The following MCC variants were observed in gnomAD, a reference collection of about 807,000 sequenced individuals.
MCC encodes MCC regulator of Wnt signaling pathway.
Under a neutral mutation model 116.2 loss-of-function variants are expected in MCC, and 90 were observed. The ratio of observed to expected loss-of-function variants is 0.77; its 90% confidence interval spans 0.65 to 0.92. MCC has a LOEUF of 0.92. MCC is among the 40% of genes least tolerant of loss of function. The pLI is 0.00. For synonymous variants in MCC, 578 were observed against 510.5 expected, an observed-to-expected ratio of 1.13 and a Z score of -1.78; for missense variants, 1,516 against 1,312.2, an observed-to-expected ratio of 1.16 and a Z score of -2.40.
intron 1 of MCC, among the ~76,000 whole-genome samples, chr5:113,473,499 G>T (rs565589723): frequency 6.6e-6 from 1 of 152,154 alleles, no homozygotes; most frequent in South Asian, 2.1e-4. Flanking sequence ...GCTCTATCCT[G>T]GATGACAGAG....
Position 113,024,104 on chromosome 5 carries a change from C to T in MCC, c.*3198G>A, listed in dbSNP as rs1370262818. ...AGCCTATGGGCTCTAATTTGGACTT[C>T]CTTTTGGAGTAGAATGTCAAGGCTC... On this transcript the variant is annotated 3_prime_UTR_variant, in exon 19 of 19. Transcript: ENST00000408903. 2.0e-5 allele frequency: 3 copies of T among 152,310 alleles called. No individual in the cohort carries two copies. Among genetic ancestry groups the T allele is most frequent in the South Asian group, 2.1e-4 (1 of 4,822 alleles). The allele number at this position is 152,310 out of a possible 1,614,324, so 9.4% of individuals were successfully genotyped here.
Position 113,434,643 on chromosome 5 carries a change from A to G in MCC, c.171-49431T>C. ...CTTAATGATGGAGCAGTGGTTTAACATGGCCAGAATCTCAATTTCCCGGGG... is the reference window on the plus strand; with the variant it reads ...CTTAATGATGGAGCAGTGGTTTAACGTGGCCAGAATCTCAATTTCCCGGGG... On this transcript the variant is annotated intron_variant, in intron 1 of 18. Transcript: ENST00000408903. This position sits in a 1 kb window ranked among gnomAD's most constrained non-coding sequence, Gnocchi z 4.2. 1.9e-6 allele frequency: 3 copies of G among 1,613,950 alleles called. No homozygotes were observed. The highest frequency in any genetic ancestry group is 2.5e-6 in the Non-Finnish European group (3 of 1,179,874).
intron 3 of MCC, among the ~76,000 whole-genome samples, chr5:113,301,923 A>G (rs1766871854): frequency 6.6e-6 from 1 of 152,258 alleles, no homozygotes; most frequent in Non-Finnish European, 1.5e-5. Flanking sequence ...AAGATGCCAC[A>G]GGAAGACTTT....
At position 113,220,057 on chromosome 5, in the gene MCC, C is replaced by CTTTTTTTTTTTT. The variant is rs1229213218; in HGVS notation, c.628-68636_628-68635insAAAAAAAAAAAA. On this transcript the variant is annotated intron_variant, in intron 3 of 18. Transcript: ENST00000408903. Reference sequence around the variant, plus strand: ...AACTTTGGAATCTGCATGTCAATTTCTTTTTCTTTTTTTTTTTTGAGACGG... The same window carrying CTTTTTTTTTTTT: ...AACTTTGGAATCTGCATGTCAATTTCTTTTTTTTTTTTTTTTTCTTTTTTTTTTTTGAGACGG... Among the ~76,000 whole-genome samples the CTTTTTTTTTTTT allele has an allele frequency of 8.4e-4, 67 of 79,570 alleles. 20 individuals are homozygous for CTTTTTTTTTTTT. Among genetic ancestry groups the CTTTTTTTTTTTT allele is most frequent in the Non-Finnish European group, 1.7e-3 (50 of 28,682 alleles). 52.2% of individuals were successfully genotyped at this position (79,570 alleles called of 152,430 possible).
intron 8 of MCC, among the ~76,000 whole-genome samples, chr5:113,100,464 CTTTTTT>C (rs10649958): frequency 7.4e-4 from 58 of 78,848 alleles, no homozygotes; most frequent in African/African-American, 1.8e-3. Flanking sequence ...GTATTTTTCC[CTTTTTT>C]TTTTTTTTTT....
chr5:113,207,136 A>G (rs1392832663), intron 3 of MCC, among the ~76,000 whole-genome samples: 1 of 152,206 alleles, frequency 6.6e-6, no homozygotes, highest in Admixed American at 6.5e-5. Context: ...CATACACACA[A>G]AAAGGTTACA....
At chr5:113,172,985 CTGTT>C (rs1761150850) in intron 3 of MCC, among the ~76,000 whole-genome samples, 1 of 151,922 alleles carries the variant, frequency 6.6e-6, no homozygotes, top group African/African-American at 2.4e-5. Context: ...TTTTAATTGC[CTGTT>C]TATGTTCTTT....
chr5:113,333,111 G>A (rs1231488351), intron 3 of MCC, among the ~76,000 whole-genome samples: 3 of 151,598 alleles, frequency 2.0e-5, no homozygotes, highest in East Asian at 3.8e-4. Flanking sequence ...AAAAACTAAT[G>A]TGAAACACAA....
chr5:113,266,068 T>C (rs1218962826), intron 3 of MCC, among the ~76,000 whole-genome samples: 3 of 152,282 alleles, frequency 2.0e-5, no homozygotes, highest in Admixed American at 2.0e-4. Flanking sequence ...TCTCAGGCAT[T>C]TGAATTTCAA....
intron 8 of MCC, among the ~76,000 whole-genome samples, chr5:113,094,061 G>C (rs1455462754): frequency 6.6e-6 from 1 of 152,066 alleles, no homozygotes; most frequent in African/African-American, 2.4e-5. Context: ...CTGCTATCTC[G>C]AAGTCCAGGG....
chr5:113,027,556 A>G, intron 18 of MCC, 74 bp from the exon 19 acceptor site: 2 of 1,353,318 alleles, frequency 1.5e-6, no homozygotes, highest in Non-Finnish European at 1.0e-6. Flanking sequence ...TGTCCACTGG[A>G]TAACCAGATC....
chr5:113,333,838 T>C (rs10071644), intron 3 of MCC, among the ~76,000 whole-genome samples: 6,307 of 27,880 alleles, frequency 0.23, 1,477 homozygotes, highest in African/African-American at 0.38. Flanking sequence ...TATATATGTA[T>C]ATATGTATAT....
rs776557637 is a variant in MCC at position 113,434,032 on chromosome 5, A to T, written c.171-48820T>A. 1 of 1,614,036 alleles carries T rather than the reference A, an allele frequency of 6.2e-7. No homozygotes were observed. Among genetic ancestry groups the T allele is most frequent in the Non-Finnish European group, 8.5e-7 (1 of 1,179,900 alleles). ...CCCCGTGCCTTGGGCTGCATCCAGC[A>T]GTGGCTGAGGATCTCGTCGATGTGG... On this transcript the variant is annotated intron_variant, in intron 1 of 18. Transcript: ENST00000408903. This position sits in a 1 kb window ranked among gnomAD's most constrained non-coding sequence, Gnocchi z 4.2.
chr5:113,432,068 G>A (rs1770669015), intron 1 of MCC, among the ~76,000 whole-genome samples: 2 of 152,078 alleles, frequency 1.3e-5, no homozygotes, highest in African/African-American at 4.8e-5. Flanking sequence ...CCCGGGAGGC[G>A]GAGGTTTTGG....
chr5:113,214,946 C>A (rs1473206795), intron 3 of MCC, among the ~76,000 whole-genome samples: 2 of 152,198 alleles, frequency 1.3e-5, no homozygotes, highest in Non-Finnish European at 2.9e-5. Context: ...TGCAGTGAGG[C>A]TGAACCTCCA....
At chr5:113,488,172 G>A (rs1772598368) in intron 1 of MCC, 73 bp downstream of exon 1, 6 of 1,428,878 alleles carry the variant, frequency 4.2e-6, no homozygotes, top group Non-Finnish European at 4.7e-6. Context: ...GGGCGAGGGG[G>A]CAGAGCAGGG....
intron 3 of MCC, among the ~76,000 whole-genome samples, chr5:113,170,939 C>T (rs74560914): frequency 0.047 from 7,193 of 152,180 alleles, 220 homozygotes; most frequent in South Asian, 0.055. Context: ...ACTGGGCGTT[C>T]TGCATCCAGA....
intron 3 of MCC, among the ~76,000 whole-genome samples, chr5:113,327,587 A>ATATATATATAT (rs1561525261): frequency 2.1e-5 from 2 of 96,634 alleles, no homozygotes; most frequent in African/African-American, 8.3e-5. Flanking sequence ...TATATATATA[A>ATATATATATAT]AAATCTCATC....
chr5:113,488,256 T>C lies in MCC; in HGVS notation c.159A>G (p.Gly53=). The change falls in exon 1 of 19, where the codon GGA becomes GGG. Residue 53 remains glycine, a synonymous_variant. Transcript: ENST00000408903. ...LFQTCDGDGD[G]YISRNDLLMV... ...ACCTCCCCGCGTACCTGCTGATGTA[T>C]CCGTCCCCGTCGCCGTCGCACGTCT... 1 of 1,594,890 alleles carries C rather than the reference T, an allele frequency of 6.3e-7. No homozygotes were observed. Among genetic ancestry groups the C allele is most frequent in the Non-Finnish European group, 8.5e-7 (1 of 1,171,506 alleles).
Sources: gnomAD v4.1 joint callset for allele counts (sites outside exome capture counted in the v4.1 genomes callset) on GRCh38, gnomAD v4.1.1 for gene constraint, Gnocchi (gnomAD v3.1) non-coding constraint, MANE v1.5 for transcripts, NCBI Gene and HGNC (gene_info 2026-07-23, HGNC 2026-07-21) for gene names.